The following SGCZ variants were observed in gnomAD, a reference collection of about 807,000 sequenced individuals.
The protein encoded by SGCZ is zeta-sarcoglycan.
In SGCZ, 40 loss-of-function variants were observed where a neutral mutation model predicts 41.3. That is an observed-to-expected ratio of 0.97 (90% CI 0.75 to 1.26). SGCZ has a LOEUF of 1.26. Ranked by LOEUF, SGCZ falls within the 50% of genes most tolerant of loss-of-function variation. The pLI is 0.00. For missense variants in SGCZ, 552 were observed against 369.8 expected (o/e 1.49, Z -4.04); for synonymous variants, 206 against 137.5 (o/e 1.50, Z -3.49).
At chr8:14,899,959 G>A (rs1283549278) in intron 1 of SGCZ, among the ~76,000 whole-genome samples, 2 of 152,206 alleles carry the variant, frequency 1.3e-5, no homozygotes, top group Non-Finnish European at 1.5e-5. Context: ...CTAGCAGAGG[G>A]TACCTGCTGT....
chr8:14,386,704 C>T (rs1804591182), intron 2 of SGCZ, among the ~76,000 whole-genome samples: 1 of 152,018 alleles, frequency 6.6e-6, no homozygotes, highest in South Asian at 2.1e-4. Context: ...AATGGGCTGC[C>T]AGAAGTTCAT....
At chr8:14,156,357 A>G (rs146967000) in intron 5 of SGCZ, among the ~76,000 whole-genome samples, 2,927 of 152,152 alleles carry the variant, frequency 0.019, 37 homozygotes, top group Middle Eastern at 0.085. Context: ...GCTACTCAGG[A>G]GGCTGAGGCG....
chr8:14,556,891 A>G (rs1010492956), intron 1 of SGCZ, among the ~76,000 whole-genome samples: 4 of 152,036 alleles, frequency 2.6e-5, no homozygotes, highest in African/African-American at 9.7e-5. Flanking sequence ...GCTGCTATAA[A>G]CATGAAAGTG....
chr8:14,924,521 T>C (rs941308180), intron 1 of SGCZ, among the ~76,000 whole-genome samples: 3 of 144,396 alleles, frequency 2.1e-5, no homozygotes, highest in African/African-American at 5.0e-5. Flanking sequence ...ATAACTTAAA[T>C]TATCATGAAT....
At chr8:14,820,142 C>G (rs1408211712) in intron 1 of SGCZ, among the ~76,000 whole-genome samples, 6 of 151,776 alleles carry the variant, frequency 4.0e-5, no homozygotes, top group Admixed American at 6.6e-5. Context: ...AGAGACTCAC[C>G]TAATAATTAA....
chr8:15,122,493 A>C (rs1029677317), intron 1 of SGCZ, among the ~76,000 whole-genome samples: 1 of 152,128 alleles, frequency 6.6e-6, no homozygotes, highest in African/African-American at 2.4e-5. Context: ...CCAGGTACAA[A>C]AATTTTTACA....
At chr8:14,459,480 G>C (rs1194023533) in intron 2 of SGCZ, among the ~76,000 whole-genome samples, 1 of 152,022 alleles carries the variant, frequency 6.6e-6, no homozygotes, top group Non-Finnish European at 1.5e-5. Flanking sequence ...GAAGGCAGAA[G>C]GGAGATACGA....
At chr8:14,148,987 T>C (rs991004914) in intron 5 of SGCZ, among the ~76,000 whole-genome samples, 2 of 151,978 alleles carry the variant, frequency 1.3e-5, no homozygotes, top group Admixed American at 1.3e-4. Flanking sequence ...ATTCCACATC[T>C]CTTCATGATA....
At chr8:14,794,270 T>A (rs1801049858) in intron 1 of SGCZ, among the ~76,000 whole-genome samples, 1 of 151,906 alleles carries the variant, frequency 6.6e-6, no homozygotes. Flanking sequence ...CAGTAAATAG[T>A]AGGATGCAAT....
intron 3 of SGCZ, among the ~76,000 whole-genome samples, chr8:14,279,928 G>T (rs76831599): frequency 0.06 from 9,051 of 150,988 alleles, 815 homozygotes; most frequent in African/African-American, 0.19. Flanking sequence ...CTAATATTTT[G>T]ATCTTGGCCT....
chr8:14,220,325 G>T (rs1016302165), intron 4 of SGCZ, among the ~76,000 whole-genome samples: 2 of 151,954 alleles, frequency 1.3e-5, no homozygotes, highest in South Asian at 2.1e-4. Context: ...ATAATATTAC[G>T]AGAAAAAAAG....
intron 2 of SGCZ, among the ~76,000 whole-genome samples, chr8:14,384,436 G>T (rs1009198985): frequency 2.0e-5 from 3 of 152,138 alleles, no homozygotes; most frequent in Admixed American, 1.3e-4. Flanking sequence ...ACTATGTTTT[G>T]AGAAATTTAA....
At chr8:14,298,638 A>T (rs989822726) in intron 3 of SGCZ, among the ~76,000 whole-genome samples, 16 of 152,048 alleles carry the variant, frequency 1.1e-4, no homozygotes, top group African/African-American at 3.1e-4. Context: ...AAATATAAGC[A>T]GGATCTGTTC....
chr8:14,534,630 G>A (rs528956684), intron 2 of SGCZ, among the ~76,000 whole-genome samples: 1 of 151,982 alleles, frequency 6.6e-6, no homozygotes, highest in African/African-American at 2.4e-5. Context: ...CCGCACAGGA[G>A]GGAGGAGGAA....
intron 3 of SGCZ, among the ~76,000 whole-genome samples, chr8:14,241,752 T>A (rs1173872561): frequency 6.6e-6 from 1 of 152,116 alleles, no homozygotes; most frequent in African/African-American, 2.4e-5. Context: ...ACGAGACTGT[T>A]AAGTGGGCCT....
At chr8:14,551,552 ATATATAT>A (rs1563404717) in intron 2 of SGCZ, among the ~76,000 whole-genome samples, 3 of 18,760 alleles carry the variant, frequency 1.6e-4, no homozygotes, top group African/African-American at 1.0e-3. Flanking sequence ...AATATATATA[ATATATAT>A]TATATATATA....
intron 1 of SGCZ, among the ~76,000 whole-genome samples, chr8:14,617,795 A>G (rs561408816): frequency 4.3e-4 from 65 of 152,236 alleles, no homozygotes; most frequent in Non-Finnish European, 1.9e-4. Context: ...GTTGGGAAAG[A>G]TAGTGCATGT....
At chr8:14,412,345 G>T (rs981492947) in intron 2 of SGCZ, among the ~76,000 whole-genome samples, 1 of 152,076 alleles carries the variant, frequency 6.6e-6, no homozygotes, top group African/African-American at 2.4e-5. Flanking sequence ...CACATAGTTT[G>T]CATCCAATCT....
In SGCZ at chr8:14,900,094, C is replaced by T. The variant is rs115723004; in HGVS notation, c.39+337491G>A. Reference sequence around the variant, plus strand: ...AAATATAATAAACTCTCCCAAGCCCCTACGGTAATTTTTGAAACCTTTCTA... The same window carrying T: ...AAATATAATAAACTCTCCCAAGCCCTTACGGTAATTTTTGAAACCTTTCTA... On this transcript the variant is annotated intron_variant, in intron 1 of 7. Transcript: ENST00000382080. Among the ~76,000 whole-genome samples the T allele has an allele frequency of 2.0e-3, 299 of 152,182 alleles. 1 individual carries two copies. Among genetic ancestry groups the T allele is most frequent in the African/African-American group, 6.9e-3 (285 of 41,528 alleles).
Sources: allele counts gnomAD v4.1 joint callset (sites outside exome capture counted in the v4.1 genomes callset), GRCh38; gene constraint gnomAD v4.1.1; transcripts MANE v1.5; gene names NCBI Gene and HGNC (gene_info 2026-07-23, HGNC 2026-07-21).